Variants in PRPF18 observed in about 807,000 individuals in gnomAD.
PRPF18 encodes the protein pre-mRNA processing factor 18, also known as pre-mRNA-splicing factor 18.
In PRPF18, 38 loss-of-function variants were observed where a neutral mutation model predicts 46.5. The observed-to-expected ratio is 0.82, with a 90% confidence interval of 0.63 to 1.07. The LOEUF (loss-of-function observed/expected upper bound fraction) is 1.07, where lower values mean the gene tolerates loss of function less well. Ranked by LOEUF, PRPF18 falls within the 50% of genes least tolerant of loss-of-function variation. The pLI is 0.00. For synonymous variants in PRPF18, 152 were observed against 146.7 expected (o/e 1.04, Z -0.26); for missense variants, 263 against 410.0 (o/e 0.64, Z 3.10).
intron 4 of PRPF18, 40 bp from the exon 5 acceptor site, chr10:13,609,999 C>G: frequency 6.6e-7 from 1 of 1,525,034 alleles, no homozygotes; most frequent in Non-Finnish European, 8.9e-7. Context: ...GGTGTTCTTC[C>G]TTTCATAACA....
chr10:13,632,595 A>T (rs895649719), downstream of PRPF18: 1 of 152,174 alleles, frequency 6.6e-6, no homozygotes, highest in Non-Finnish European at 1.5e-5. Flanking sequence ...CTGTCATGTG[A>T]CACCAGTACC....
chr10:13,614,276 CCTGA>C (rs2133770766), intron 8 of PRPF18, among the ~76,000 whole-genome samples, 190 bp downstream of exon 8: 1 of 152,270 alleles, frequency 6.6e-6, no homozygotes, highest in South Asian at 2.1e-4. Context: ...GAATAACAAA[CCTGA>C]CTAAGAAAAT....
At chr10:13,620,396 T>G (rs1417538410) in intron 9 of PRPF18, among the ~76,000 whole-genome samples, 9 of 152,258 alleles carry the variant, frequency 5.9e-5, no homozygotes, top group Admixed American at 5.9e-4. Flanking sequence ...AATCATTTAA[T>G]AATTATTTCT....
intron 1 of PRPF18, 143 bp from the exon 2 acceptor site, chr10:13,597,315 T>C: frequency 1.7e-6 from 1 of 605,932 alleles, no homozygotes; most frequent in Non-Finnish European, 2.8e-6. Context: ...TGTATTCATC[T>C]CTGGAACCAA....
intron 4 of PRPF18, among the ~76,000 whole-genome samples, chr10:13,606,484 C>G (rs186506351): frequency 1.4e-4 from 21 of 152,278 alleles, no homozygotes; most frequent in Admixed American, 3.9e-4. Context: ...AGCCTGTAAT[C>G]CCAGCACTTT....
the PRPF18 span, chr10:13,655,606 G>A: frequency 1.3e-5 from 2 of 150,762 alleles, no homozygotes; most frequent in South Asian, 4.2e-4. Context: ...AGGGCATCCA[G>A]GTTCTTCCTT....
chr10:13,624,596 A>G (rs918358015), intron 9 of PRPF18, among the ~76,000 whole-genome samples: 6 of 152,228 alleles, frequency 3.9e-5, no homozygotes, highest in African/African-American at 1.4e-4. Flanking sequence ...CTGCTCAGGA[A>G]GGGTAAGATA....
chr10:13,611,545 G>A, intron 5 of PRPF18, 70 bp from the exon 6 acceptor site: 1 of 1,226,712 alleles, frequency 8.2e-7, no homozygotes, highest in South Asian at 1.2e-5. Flanking sequence ...GTTTAGACTG[G>A]TGTTGGTAAT....
rs1213725045 is a variant in PRPF18, at chr10:13,616,514, A to C, written c.909A>C (p.Ala303=). ...AAAAGATTTTTTCCAAGCATGTTGC[A>C]CATGTTTTAAATGACGAAACTCAGC... The part of the protein sequence containing the change: ...GREKIFSKHV[A]HVLNDETQRK... Residue 303 remains alanine (A), a synonymous_variant, in exon 9 of 10, where the codon GCA becomes GCC. Coordinates refer to ENST00000378572, the MANE Select transcript of PRPF18 (RefSeq NM_003675.4). 1 of 1,614,194 alleles carries C rather than the reference A, an allele frequency of 6.2e-7. No individual in the cohort carries two copies. The highest frequency in any genetic ancestry group is 8.5e-7 in the Non-Finnish European group (1 of 1,180,008).
At chr10:13,605,185 T>C (rs2080165396) in intron 3 of PRPF18, among the ~76,000 whole-genome samples, 1 of 152,258 alleles carries the variant, frequency 6.6e-6, no homozygotes, top group African/African-American at 2.4e-5. Context: ...TTTTATACTT[T>C]ACACAGAGGC....
At chr10:13,592,965 C>T (rs989778198) in intron 1 of PRPF18, among the ~76,000 whole-genome samples, 11 of 152,188 alleles carry the variant, frequency 7.2e-5, no homozygotes, top group Admixed American at 5.9e-4. Flanking sequence ...CAGAACGGAG[C>T]CACCCTTACA....
chr10:13,634,314 C>T (rs1381917342), downstream of PRPF18, among the ~76,000 whole-genome samples: 79 of 152,142 alleles, frequency 5.2e-4, no homozygotes, highest in Non-Finnish European at 7.4e-5. Flanking sequence ...CTGTAAGCAC[C>T]AACTTCCTCA....
intron 2 of PRPF18, among the ~76,000 whole-genome samples, chr10:13,599,224 G>T (rs544041248): frequency 6.6e-6 from 1 of 152,148 alleles, no homozygotes; most frequent in East Asian, 1.9e-4. Flanking sequence ...TTTAAGGCTT[G>T]GTGCTGATTT....
the PRPF18 span, chr10:13,652,878 C>G: frequency 1.3e-5 from 2 of 152,194 alleles, no homozygotes; most frequent in African/African-American, 4.8e-5. Context: ...CTGACAAGAT[C>G]CCAGGTGAGG....
chr10:13,650,844 C>A, the PRPF18 span, among the ~76,000 whole-genome samples: 1 of 152,332 alleles, frequency 6.6e-6, no homozygotes, highest in South Asian at 2.1e-4. Flanking sequence ...TCTAAGCCCC[C>A]TCCTCCCACG....
chr10:13,594,528 T>C (rs2080007850), intron 1 of PRPF18, among the ~76,000 whole-genome samples: 2 of 152,256 alleles, frequency 1.3e-5, no homozygotes, highest in Admixed American at 6.5e-5. Context: ...ATTTTGCTCT[T>C]TGAATGGATC....
chr10:13,591,244 A>G (rs2478108), intron 1 of PRPF18, among the ~76,000 whole-genome samples: 5,139 of 152,278 alleles, frequency 0.034, 299 homozygotes, highest in African/African-American at 0.12. Flanking sequence ...TAGTTGCTTT[A>G]TATTTTTCAT....
At chr10:13,606,533 G>A (rs2080186621) in intron 4 of PRPF18, among the ~76,000 whole-genome samples, 1 of 151,994 alleles carries the variant, frequency 6.6e-6, no homozygotes, top group African/African-American at 2.4e-5. Context: ...TGAAGAGATC[G>A]AGACCATCCT....
intron 1 of PRPF18, among the ~76,000 whole-genome samples, 186 bp from the exon 2 acceptor site, chr10:13,597,272 A>G (rs1053219621): frequency 4.6e-5 from 7 of 152,186 alleles, no homozygotes; most frequent in African/African-American, 1.4e-4. Flanking sequence ...CCATAGTCGT[A>G]GTGGAGGGTT....
Sources: gnomAD v4.1 joint callset for allele counts (sites outside exome capture counted in the v4.1 genomes callset) on GRCh38, gnomAD v4.1.1 for gene constraint, MANE v1.5 for transcripts, NCBI Gene and HGNC (gene_info 2026-07-23, HGNC 2026-07-21) for gene names.